The following GPM6B variants were observed in gnomAD, a reference collection of about 807,000 sequenced individuals.
The protein encoded by GPM6B is neuronal membrane glycoprotein M6-b.
Under a neutral mutation model 27.2 loss-of-function variants are expected in GPM6B, and 4 were observed. That is an observed-to-expected ratio of 0.15 (90% CI 0.07 to 0.34). The LOEUF (loss-of-function observed/expected upper bound fraction) is 0.34, where lower values mean the gene tolerates loss of function less well. Among genes scored for constraint, GPM6B ranks in the 10% least tolerant of loss-of-function variants. The pLI, the probability that GPM6B is intolerant of heterozygous loss-of-function variation, is 1.00. For synonymous variants in GPM6B, 124 were observed against 103.1 expected (o/e 1.20, Z -1.23); for missense variants, 183 against 261.9 (o/e 0.70, Z 2.08).
chrX:13,827,550 G>A (rs2049391020), intron 1 of GPM6B, among the ~76,000 whole-genome samples: 1 of 111,500 alleles, frequency 9.0e-6, no homozygotes, highest in South Asian at 3.8e-4. Context: ...CATCTGCCTT[G>A]ACCTTCCTCC....
At chrX:13,901,537 T>C (rs1365484519) in intron 1 of GPM6B, among the ~76,000 whole-genome samples, 2 of 111,213 alleles carry the variant, frequency 1.8e-5, no homozygotes, top group Non-Finnish European at 3.8e-5. Flanking sequence ...TCATCTGACT[T>C]GGTTTCACTC....
rs377077679 is a variant in GPM6B at position 13,925,907 on chromosome X, T to C, written c.-198+12420A>G. On this transcript the variant is annotated intron_variant, in intron 1 of 6. Transcript: ENST00000398361. ...ATCTCTACTAAAAATACAAAAACAT[T>C]AGCCAGGCATGGTGGCGGGCGCCTG... is the stretch of plus-strand genomic sequence containing the variant. Among the ~76,000 whole-genome samples the C allele has an allele frequency of 3.3e-4, 34 of 102,416 alleles. 1 individual carries two copies. In the South Asian group the frequency reaches 0.014, roughly 42 times the overall value. The allele number at this position is 102,416 out of a possible 115,157, so 88.9% of individuals were successfully genotyped here.
intron 2 of GPM6B, among the ~76,000 whole-genome samples, chrX:13,791,399 C>T (rs192148634): frequency 5.2e-4 from 58 of 110,945 alleles, no homozygotes; most frequent in African/African-American, 1.7e-3. Flanking sequence ...TTAGTACAGA[C>T]GGGGTCTTGC....
intron 1 of GPM6B, among the ~76,000 whole-genome samples, chrX:13,905,413 C>T (rs755768669): frequency 1.8e-5 from 2 of 110,894 alleles, no homozygotes; most frequent in Non-Finnish European, 3.8e-5. Context: ...CAGTGGCTGA[C>T]GTGGAATATT....
At chrX:13,819,797 A>G (rs151116998), upstream of GPM6B, among the ~76,000 whole-genome samples, 2,335 of 111,982 alleles carry the variant, frequency 0.021, 45 homozygotes, top group African/African-American at 0.06. Flanking sequence ...GCACTATGGC[A>G]TCACAACAAA....
intron 2 of GPM6B, among the ~76,000 whole-genome samples, chrX:13,796,225 G>A (rs2048813815): frequency 9.1e-6 from 1 of 110,102 alleles, no homozygotes; most frequent in Non-Finnish European, 1.9e-5. Flanking sequence ...GTGCCTGGCT[G>A]GCCTGGCTAA....
chrX:13,792,164 T>C (rs1298564340), intron 2 of GPM6B, among the ~76,000 whole-genome samples: 1 of 111,092 alleles, frequency 9.0e-6, no homozygotes, highest in Non-Finnish European at 1.9e-5. Context: ...CAACAGGGGG[T>C]GACTGTGCCC....
At chrX:13,810,178 G>A (rs187245882) in intron 1 of GPM6B, among the ~76,000 whole-genome samples, 22 of 111,165 alleles carry the variant, frequency 2.0e-4, no homozygotes, top group African/African-American at 6.6e-4. Flanking sequence ...TACTGTTCAG[G>A]AGATTCTCTC....
At position 13,794,431 on chromosome X, in the gene GPM6B, T is replaced by C. The variant is rs185055114; in HGVS notation, c.182-8623A>G. Among the ~76,000 whole-genome samples the C allele has an allele frequency of 7.2e-5, 8 of 111,865 alleles. No homozygotes were observed. The East Asian group carries it at 8.4e-4, about 12-fold the overall frequency. On this transcript the variant is annotated intron_variant, in intron 2 of 7. Transcript: ENST00000316715. ...ATTGAGCTCCCAAGAGATTCTATCC[T>C]GCCTGCCCACCAGTCTCACTCTGAG...
At chrX:13,774,536 T>C in intron 7 of GPM6B, 2 of 1,206,405 alleles carry the variant, frequency 1.7e-6, no homozygotes, top group South Asian at 3.5e-5. Context: ...TAAAACTCCT[T>C]ATGCAATTTA....
At chrX:13,843,451 T>C (rs551726272) in intron 1 of GPM6B, among the ~76,000 whole-genome samples, 1 of 112,311 alleles carries the variant, frequency 8.9e-6, no homozygotes, top group South Asian at 3.7e-4. Flanking sequence ...TTCTTTTGGG[T>C]ATATACCTGA....
At chrX:13,847,438 C>G (rs892431989) in intron 1 of GPM6B, among the ~76,000 whole-genome samples, 1 of 112,239 alleles carries the variant, frequency 8.9e-6, no homozygotes, top group Non-Finnish European at 1.9e-5. Context: ...TCTAACATAA[C>G]ATTAATCCTA....
intron 5 of GPM6B, 65 bp from the exon 6 acceptor site, chrX:13,777,490 C>T: frequency 1.4e-6 from 1 of 725,273 alleles, no homozygotes; most frequent in Non-Finnish European, 2.2e-6. Context: ...TAACAGACCC[C>T]ACCACTTCGG....
intron 1 of GPM6B, among the ~76,000 whole-genome samples, chrX:13,839,542 T>C (rs1457133497): frequency 2.7e-5 from 3 of 111,482 alleles, no homozygotes; most frequent in Non-Finnish European, 5.6e-5. Context: ...CATCCATGCC[T>C]GTGGGACCGA....
At chrX:13,871,660 G>A (rs1463870148) in intron 1 of GPM6B, among the ~76,000 whole-genome samples, 1 of 112,163 alleles carries the variant, frequency 8.9e-6, no homozygotes, top group African/African-American at 3.2e-5. Context: ...AGTTTGAGAA[G>A]TACTGAGGTA....
At chrX:13,889,274 A>G (rs1317429239) in intron 1 of GPM6B, among the ~76,000 whole-genome samples, 2 of 111,991 alleles carry the variant, frequency 1.8e-5, no homozygotes, top group Non-Finnish European at 3.8e-5. Context: ...TAGGAGACAG[A>G]TGATACTAAA....
intron 1 of GPM6B, among the ~76,000 whole-genome samples, chrX:13,917,443 C>A (rs771660548): frequency 4.0e-4 from 45 of 112,119 alleles, no homozygotes; most frequent in Non-Finnish European, 6.8e-4. Context: ...ATTATGAACA[C>A]AGGTTTTTAC....
At chrX:13,921,579 C>G (rs1005056421) in intron 1 of GPM6B, among the ~76,000 whole-genome samples, 2 of 59,907 alleles carry the variant, frequency 3.3e-5, no homozygotes, top group Non-Finnish European at 7.0e-5. Flanking sequence ...ATAACCCCCC[C>G]CCTTTTTTTT....
At chrX:13,847,676 G>C (rs1214159253) in intron 1 of GPM6B, among the ~76,000 whole-genome samples, 2 of 111,788 alleles carry the variant, frequency 1.8e-5, no homozygotes, top group African/African-American at 6.5e-5. Context: ...AAGCTAAAAA[G>C]GCCCTCCAAA....
Sources: gnomAD v4.1 joint callset for allele counts (sites outside exome capture counted in the v4.1 genomes callset) on GRCh38, gnomAD v4.1.1 for gene constraint, MANE v1.5 for transcripts, NCBI Gene and HGNC (gene_info 2026-07-23, HGNC 2026-07-21) for gene names.